Variants in PHAF1 observed in about 807,000 individuals in gnomAD.
The protein encoded by PHAF1 is phagophore assembly factor 1.
PHAF1 carries 23 observed loss-of-function variants against 63.1 expected under a neutral mutation model. That is an observed-to-expected ratio of 0.36 (90% confidence interval 0.26 to 0.52). The LOEUF (loss-of-function observed/expected upper bound fraction) is 0.52. Ranked by LOEUF, PHAF1 falls within the 20% of genes least tolerant of loss-of-function variation. The pLI is 0.93. For missense variants in PHAF1, 427 were observed against 517.2 expected (o/e 0.83, Z 1.69); for synonymous variants, 167 against 185.0 (o/e 0.90, Z 0.79).
At chr16:67,145,711 G>T in intron 14 of PHAF1, 83 bp downstream of exon 14, 2 of 1,446,670 alleles carry the variant, frequency 1.4e-6, no homozygotes, top group Non-Finnish European at 1.9e-6. Context: ...CACAGTGGAT[G>T]TTGCTTAAAA....
At chr16:67,123,627 C>G (rs1374831025) in intron 2 of PHAF1, among the ~76,000 whole-genome samples, 2 of 152,088 alleles carry the variant, frequency 1.3e-5, no homozygotes, top group East Asian at 1.9e-4. Flanking sequence ...AGACTGGTCT[C>G]AAACTCCTGG....
chr16:67,130,779 C>T (rs1053703182), intron 3 of PHAF1, among the ~76,000 whole-genome samples: 2 of 152,160 alleles, frequency 1.3e-5, no homozygotes, highest in African/African-American at 4.8e-5. Flanking sequence ...AGATCATTGT[C>T]CTATAGGGTG....
Position 67,148,074 on chromosome 16 carries a change from C to T in PHAF1, c.*943C>T, listed in dbSNP as rs755682349. 1 of 152,638 alleles carries T rather than the reference C, an allele frequency of 6.6e-6. No homozygotes were observed. Among genetic ancestry groups the T allele is most frequent in the Non-Finnish European group, 1.5e-5 (1 of 68,046 alleles). 9.5% of individuals were successfully genotyped at this position (152,638 alleles called of 1,614,324 possible). On this transcript the variant is annotated 3_prime_UTR_variant, in exon 16 of 16. Transcript: ENST00000219139. ...TATATGTGCTTTAAAAATATTAATCCTTTTGAAAAGAACTGAGAAGAAAAA... is the reference window on the plus strand; with the variant it reads ...TATATGTGCTTTAAAAATATTAATCTTTTTGAAAAGAACTGAGAAGAAAAA...
intron 4 of PHAF1, 115 bp from the exon 5 acceptor site, chr16:67,132,331 A>G: frequency 3.3e-6 from 3 of 900,660 alleles, no homozygotes; most frequent in Middle Eastern, 4.9e-4. Context: ...GTATTTTGAT[A>G]TAATTAGAGA....
intron 1 of PHAF1, among the ~76,000 whole-genome samples, chr16:67,118,513 T>C (rs1962844684): frequency 6.6e-6 from 1 of 151,520 alleles, no homozygotes; most frequent in Non-Finnish European, 1.5e-5. Context: ...ATTTTTGCAT[T>C]TTTAATGGAG....
chr16:67,146,237 G>A, intron 14 of PHAF1, 41 bp from the exon 15 acceptor site: 1 of 1,566,324 alleles, frequency 6.4e-7, no homozygotes, highest in South Asian at 1.1e-5. Flanking sequence ...TAAGGCCGTG[G>A]CCTCTGTCTG....
chr16:67,145,980 T>C (rs1358299606), intron 14 of PHAF1, among the ~76,000 whole-genome samples: 1 of 152,164 alleles, frequency 6.6e-6, no homozygotes, highest in Non-Finnish European at 1.5e-5. Flanking sequence ...CACAGCCCCG[T>C]TCCTGGTTGC....
At chr16:67,122,212 T>G (rs1001330086) in intron 2 of PHAF1, among the ~76,000 whole-genome samples, 13 of 152,232 alleles carry the variant, frequency 8.5e-5, no homozygotes, top group Non-Finnish European at 4.4e-5. Flanking sequence ...AATGTATTTC[T>G]TATATCACCA....
intron 12 of PHAF1, 129 bp downstream of exon 12, chr16:67,145,006 T>C: frequency 8.5e-7 from 1 of 1,183,220 alleles, no homozygotes; most frequent in Non-Finnish European, 1.2e-6. Context: ...TCCTCTGGGG[T>C]GGGCTCATTG....
At chr16:67,121,404 C>T (rs968808697) in intron 2 of PHAF1, among the ~76,000 whole-genome samples, 1 of 148,236 alleles carries the variant, frequency 6.7e-6, no homozygotes, top group Non-Finnish European at 1.5e-5. Context: ...GGTTTTCACC[C>T]CATTAGCCAG....
At chr16:67,146,243 G>A (rs1451813028) in intron 14 of PHAF1, 35 bp from the exon 15 acceptor site, 3 of 1,591,874 alleles carry the variant, frequency 1.9e-6, no homozygotes, top group Non-Finnish European at 2.6e-6. Flanking sequence ...CGTGGCCTCT[G>A]TCTGCCTCTC....
At chr16:67,136,407 G>A (rs889461879) in intron 8 of PHAF1, 1 of 152,160 alleles carries the variant, frequency 6.6e-6, no homozygotes, top group African/African-American at 2.4e-5. Flanking sequence ...CAGCTGCTTT[G>A]GGTTGTGGAT....
chr16:67,112,239 C>T (rs948590940), intron 1 of PHAF1, among the ~76,000 whole-genome samples: 1 of 151,602 alleles, frequency 6.6e-6, no homozygotes, highest in East Asian at 1.9e-4. Flanking sequence ...ATTCAGAGTC[C>T]CTTGGTCAAA....
chr16:67,137,118 G>A (rs1050805225), intron 8 of PHAF1, among the ~76,000 whole-genome samples: 3 of 151,396 alleles, frequency 2.0e-5, no homozygotes, highest in Admixed American at 6.6e-5. Flanking sequence ...TAGCGCCACC[G>A]CGCTCCAGCC....
chr16:67,115,235 G>A lies in PHAF1; in HGVS notation c.65-4877G>A, dbSNP rs1217579013. On this transcript the variant is annotated intron_variant, in intron 1 of 15. Coordinates refer to ENST00000219139, the MANE Select transcript of PHAF1 (RefSeq NM_025187.5). ...ATTGGGTGCTGGGAGGTATTGAGGT[G>A]AACAAGACAGACAAGGTCCTACCTC... is the stretch of plus-strand genomic sequence containing the variant. 2.0e-5 allele frequency among the ~76,000 whole-genome samples: 3 copies of A among 152,212 alleles called. 1 individual carries two copies. Among genetic ancestry groups the A allele is most frequent in the Non-Finnish European group, 4.4e-5 (3 of 68,040 alleles).
chr16:67,112,983 G>A (rs547911698), intron 1 of PHAF1, among the ~76,000 whole-genome samples: 44 of 152,320 alleles, frequency 2.9e-4, no homozygotes, highest in African/African-American at 9.9e-4. Context: ...GGTCTCGGAA[G>A]GGAATCTGCT....
chr16:67,117,090 T>A (rs1178945329), intron 1 of PHAF1, among the ~76,000 whole-genome samples: 1 of 151,854 alleles, frequency 6.6e-6, no homozygotes, highest in Non-Finnish European at 1.5e-5. Flanking sequence ...TGGAGCGCAG[T>A]GGCACGATCT....
intron 3 of PHAF1, among the ~76,000 whole-genome samples, chr16:67,126,746 G>A (rs533120645): frequency 9.2e-5 from 14 of 151,420 alleles, no homozygotes; most frequent in Admixed American, 6.6e-4. Flanking sequence ...ACGCCACCAC[G>A]CCCAGCTAAA....
chr16:67,142,123 T>C (rs1010537729), intron 10 of PHAF1, among the ~76,000 whole-genome samples: 1 of 152,122 alleles, frequency 6.6e-6, no homozygotes, highest in Non-Finnish European at 1.5e-5. Context: ...TCCTGACGAG[T>C]ATCCAGCTCT....
Sources: allele counts gnomAD v4.1 joint callset (sites outside exome capture counted in the v4.1 genomes callset), GRCh38; gene constraint gnomAD v4.1.1; transcripts MANE v1.5; gene names NCBI Gene and HGNC (gene_info 2026-07-23, HGNC 2026-07-21).